SPIDR: variants seen among roughly 807,000 people sequenced by gnomAD.
SPIDR encodes the protein scaffold protein involved in DNA repair, also known as DNA repair-scaffolding protein.
Under a neutral mutation model 104.6 loss-of-function variants are expected in SPIDR, and 93 were observed. That is an observed-to-expected ratio of 0.89 (90% CI 0.75 to 1.06). The LOEUF is 1.06. Among genes scored for constraint, SPIDR ranks in the 50% least tolerant of loss-of-function variants. The pLI is 0.00. For missense variants in SPIDR, 1,154 were observed against 1,111.2 expected (o/e 1.04, Z -0.55); for synonymous variants, 431 against 416.9 (o/e 1.03, Z -0.41).
chr8:47,544,935 C>A (rs2067306812), intron 8 of SPIDR, among the ~76,000 whole-genome samples: 2 of 152,054 alleles, frequency 1.3e-5, no homozygotes. Context: ...ATAATGAAGT[C>A]TTTCAGTTCA....
chr8:47,470,993 C>CA (rs1450922240), intron 8 of SPIDR, among the ~76,000 whole-genome samples: 1 of 152,122 alleles, frequency 6.6e-6, no homozygotes, highest in Non-Finnish European at 1.5e-5. Flanking sequence ...CTTGGCCTCC[C>CA]AAAGTGCTGG....
At chr8:47,639,220 G>A (rs1431391770) in intron 10 of SPIDR, among the ~76,000 whole-genome samples, 1 of 152,196 alleles carries the variant, frequency 6.6e-6, no homozygotes, top group African/African-American at 2.4e-5. Context: ...TCGTCCACGT[G>A]TGCTCCTTTG....
chr8:47,583,504 T>A (rs1333926973), intron 8 of SPIDR, among the ~76,000 whole-genome samples: 3 of 152,194 alleles, frequency 2.0e-5, no homozygotes, highest in Admixed American at 6.5e-5. Context: ...GTGCTTTTTG[T>A]TTGTCATATA....
At chr8:47,633,347 C>G (rs751095676) in intron 10 of SPIDR, among the ~76,000 whole-genome samples, 4 of 151,876 alleles carry the variant, frequency 2.6e-5, no homozygotes, top group Non-Finnish European at 5.9e-5. Flanking sequence ...TCCTTGTCTC[C>G]TCCTGCTTTT....
intron 7 of SPIDR, among the ~76,000 whole-genome samples, chr8:47,422,809 A>G (rs1180965036): frequency 6.6e-6 from 1 of 152,092 alleles, no homozygotes; most frequent in Non-Finnish European, 1.5e-5. Flanking sequence ...TTTTTTTAAC[A>G]TCTTTGGTAT....
chr8:47,467,809 C>G (rs1041997347), intron 8 of SPIDR, among the ~76,000 whole-genome samples: 5 of 152,148 alleles, frequency 3.3e-5, no homozygotes, highest in Non-Finnish European at 5.9e-5. Flanking sequence ...GACAAGGATG[C>G]CCTCTCTCAC....
intron 10 of SPIDR, among the ~76,000 whole-genome samples, chr8:47,664,421 A>G (rs1320823839): frequency 2.6e-5 from 4 of 152,206 alleles, no homozygotes; most frequent in Non-Finnish European, 5.9e-5. Flanking sequence ...AAAGGAAACC[A>G]TGTCTAAAGA....
At chr8:47,548,720 G>A (rs1038673049) in intron 8 of SPIDR, among the ~76,000 whole-genome samples, 2 of 152,140 alleles carry the variant, frequency 1.3e-5, no homozygotes, top group African/African-American at 4.8e-5. Context: ...GAGACAACTG[G>A]AAATATTCTT....
intron 8 of SPIDR, among the ~76,000 whole-genome samples, chr8:47,571,319 G>C (rs946396268): frequency 6.6e-6 from 1 of 152,194 alleles, no homozygotes; most frequent in Non-Finnish European, 1.5e-5. Flanking sequence ...CATGTGAGTA[G>C]ATGGAGATGT....
chr8:47,727,155 G>T, intron 16 of SPIDR, 45 bp from the exon 17 acceptor site: 1 of 1,563,804 alleles, frequency 6.4e-7, no homozygotes, highest in South Asian at 1.1e-5. Context: ...GAGTCAGAGA[G>T]GGCAGAGCCG....
intron 19 of SPIDR, among the ~76,000 whole-genome samples, chr8:47,734,663 C>T (rs892768408): frequency 3.3e-5 from 5 of 151,032 alleles, no homozygotes; most frequent in South Asian, 4.3e-4. Context: ...CAGCCCTACC[C>T]GCAACAGCAT....
At chr8:47,706,799 A>C (rs1452867815) in intron 14 of SPIDR, among the ~76,000 whole-genome samples, 1 of 152,182 alleles carries the variant, frequency 6.6e-6, no homozygotes, top group Non-Finnish European at 1.5e-5. Flanking sequence ...GTATTCTCTC[A>C]CACTTCCGGA....
At chr8:47,499,430 C>G (rs1457206811) in intron 8 of SPIDR, among the ~76,000 whole-genome samples, 3 of 152,080 alleles carry the variant, frequency 2.0e-5, no homozygotes, top group Non-Finnish European at 2.9e-5. Context: ...AGACTTGAAT[C>G]CCTGGAATGG....
intron 10 of SPIDR, among the ~76,000 whole-genome samples, chr8:47,652,165 G>A (rs766306531): frequency 7.2e-5 from 11 of 152,158 alleles, no homozygotes; most frequent in African/African-American, 2.7e-4. Context: ...TTTTTAAAAT[G>A]ATCAGAAAAG....
chr8:47,277,915 C>T (rs1345172420), intron 1 of SPIDR, among the ~76,000 whole-genome samples: 4 of 151,826 alleles, frequency 2.6e-5, no homozygotes, highest in Non-Finnish European at 5.9e-5. Context: ...CTTTGTGATT[C>T]GCCCGCCTTG....
At chr8:47,706,249 C>T (rs1229039905) in intron 14 of SPIDR, among the ~76,000 whole-genome samples, 1 of 151,994 alleles carries the variant, frequency 6.6e-6, no homozygotes, top group Non-Finnish European at 1.5e-5. Context: ...AAAAATTAGC[C>T]GGGCGTGGTG....
At chr8:47,695,851 T>C (rs1316085356) in intron 11 of SPIDR, among the ~76,000 whole-genome samples, 1 of 152,192 alleles carries the variant, frequency 6.6e-6, no homozygotes, top group Non-Finnish European at 1.5e-5. Context: ...CCATAAAATG[T>C]GTGTAAAAAT....
rs538217666 is a variant in SPIDR at position 47,553,194 on chromosome 8, A to C, written c.1098-42617A>C. On this transcript the variant is annotated intron_variant, in intron 8 of 19. Coordinates refer to ENST00000297423, the MANE Select transcript of SPIDR (RefSeq NM_001080394.4). ...ACCTTTCTCTCTGGCTGCCCTTAAC[A>C]TTTTTTCTTCCATTTCAACCTTGGT... Among the ~76,000 whole-genome samples the C allele has an allele frequency of 5.3e-5, 8 of 151,644 alleles. No homozygotes were observed. In the South Asian group the frequency reaches 1.5e-3, roughly 28 times the overall value.
chr8:47,299,378 C>A (rs1370837071), intron 5 of SPIDR, among the ~76,000 whole-genome samples: 16 of 152,158 alleles, frequency 1.1e-4, no homozygotes, highest in Non-Finnish European at 2.1e-4. Flanking sequence ...TCTAGATATA[C>A]AATCATGTCA....
Sources: allele counts gnomAD v4.1 joint callset (sites outside exome capture counted in the v4.1 genomes callset), GRCh38; gene constraint gnomAD v4.1.1; transcripts MANE v1.5; gene names NCBI Gene and HGNC (gene_info 2026-07-23, HGNC 2026-07-21).